Variants in HPSE2 observed in about 807,000 individuals in gnomAD.
HPSE2 encodes the protein inactive heparanase-2.
A neutral mutation model predicts 60.5 loss-of-function variants in HPSE2; 38 were observed. The observed-to-expected ratio is 0.63, with a 90% CI of 0.48 to 0.82. HPSE2 has a LOEUF of 0.82. Among genes scored for constraint, HPSE2 ranks in the 40% least tolerant of loss-of-function variants. HPSE2 has a pLI of 0.00. For synonymous variants in HPSE2, 295 were observed against 293.2 expected, an observed-to-expected ratio of 1.01 and a Z score of -0.06; for missense variants, 713 against 740.4, an observed-to-expected ratio of 0.96 and a Z score of 0.43.
intron 9 of HPSE2, among the ~76,000 whole-genome samples, chr10:98,573,972 A>C (rs1313459817): frequency 1.3e-5 from 2 of 152,202 alleles, no homozygotes; most frequent in Non-Finnish European, 2.9e-5. Flanking sequence ...TTGTGCATCC[A>C]TAACCACAAT....
chr10:98,525,641 A>G (rs1191184576), intron 9 of HPSE2, among the ~76,000 whole-genome samples: 1 of 152,148 alleles, frequency 6.6e-6, no homozygotes, highest in African/African-American at 2.4e-5. Flanking sequence ...AATTCTAGAG[A>G]AAGCAAAGCA....
At chr10:98,880,951 A>G (rs1953005826) in intron 3 of HPSE2, among the ~76,000 whole-genome samples, 1 of 152,046 alleles carries the variant, frequency 6.6e-6, no homozygotes, top group African/African-American at 2.4e-5. Flanking sequence ...CCTCTCTACT[A>G]TCAATGGGAA....
intron 3 of HPSE2, among the ~76,000 whole-genome samples, chr10:98,816,967 G>A (rs758854256): frequency 5.9e-5 from 9 of 151,862 alleles, no homozygotes; most frequent in Non-Finnish European, 1.2e-4. Context: ...CTTTGGAATC[G>A]GATGAGGTAC....
At chr10:99,151,316 G>T (rs1846255425) in intron 2 of HPSE2, among the ~76,000 whole-genome samples, 1 of 150,520 alleles carries the variant, frequency 6.6e-6, no homozygotes, top group Non-Finnish European at 1.5e-5. Flanking sequence ...AGATAAAAAA[G>T]ACCAAGGAAA....
At chr10:99,309,901 T>C in the HPSE2 span, among the ~76,000 whole-genome samples, 1 of 152,258 alleles carries the variant, frequency 6.6e-6, no homozygotes, top group Non-Finnish European at 1.5e-5. Context: ...CTGTAACAAA[T>C]TACCACAGCC....
intron 9 of HPSE2, among the ~76,000 whole-genome samples, chr10:98,597,988 A>T (rs944995549): frequency 5.1e-4 from 71 of 140,222 alleles, no homozygotes; most frequent in Non-Finnish European, 8.8e-4. Flanking sequence ...AAAAAAAAAA[A>T]AAAAAAAAAA....
At chr10:98,844,503 T>G (rs1951990795) in intron 3 of HPSE2, among the ~76,000 whole-genome samples, 1 of 152,206 alleles carries the variant, frequency 6.6e-6, no homozygotes, top group Non-Finnish European at 1.5e-5. Flanking sequence ...TTGTCAATAT[T>G]TGATCTGTGC....
At chr10:99,071,874 G>C (rs140595978) in intron 3 of HPSE2, among the ~76,000 whole-genome samples, 16 of 152,274 alleles carry the variant, frequency 1.1e-4, no homozygotes, top group African/African-American at 2.6e-4. Flanking sequence ...TAGGTTGACT[G>C]TAAATGGGTC....
intron 3 of HPSE2, among the ~76,000 whole-genome samples, chr10:99,019,716 G>GTTT (rs527577817): frequency 6.9e-6 from 1 of 144,784 alleles, no homozygotes. Context: ...GTTTTTTGTT[G>GTTT]TTTTTTTTTT....
In HPSE2 at chr10:99,179,398, A is replaced by C. The variant is rs191165617; in HGVS notation, c.449-34999T>G. On this transcript the variant is annotated intron_variant, in intron 2 of 11. Coordinates refer to ENST00000370552, the MANE Select transcript of HPSE2 (RefSeq NM_021828.5). The stretch of plus-strand genomic sequence containing the variant: ...ATCGCAAAATTTCCTTAAGCTGATA[A>C]GCAACTTCAGCAAGGTCTCGGATAC... Among the ~76,000 whole-genome samples the C allele has an allele frequency of 2.3e-3, 356 of 152,378 alleles. 2 individuals carry two copies. Among genetic ancestry groups the C allele is most frequent in the Non-Finnish European group, 4.1e-3 (277 of 68,032 alleles).
intron 3 of HPSE2, among the ~76,000 whole-genome samples, chr10:98,834,970 C>T (rs1212769972): frequency 6.6e-6 from 1 of 151,740 alleles, no homozygotes. Context: ...TGAATTACTA[C>T]ATAAATATTT....
chr10:98,547,653 T>G (rs12218497), intron 9 of HPSE2, among the ~76,000 whole-genome samples: 51,844 of 104,988 alleles, frequency 0.49, 13,751 homozygotes, highest in Middle Eastern at 0.62. Context: ...TGGGGACTGT[T>G]GTGGGGTGGG....
intron 3 of HPSE2, among the ~76,000 whole-genome samples, chr10:98,866,013 C>T (rs113285454): frequency 4.6e-5 from 7 of 152,098 alleles, no homozygotes; most frequent in African/African-American, 1.2e-4. Context: ...ATCTCTCATT[C>T]AATGAAGGAT....
intron 5 of HPSE2, among the ~76,000 whole-genome samples, chr10:98,720,157 T>C (rs1032009804): frequency 2.6e-5 from 4 of 151,914 alleles, no homozygotes; most frequent in Non-Finnish European, 5.9e-5. Flanking sequence ...AAATGGGATA[T>C]GAGGGATAAT....
At chr10:98,930,085 A>T (rs1484232390) in intron 3 of HPSE2, among the ~76,000 whole-genome samples, 4 of 143,520 alleles carry the variant, frequency 2.8e-5, no homozygotes, top group Admixed American at 6.9e-5. Context: ...TCGACCCATC[A>T]TCTATGTATT....
intron 3 of HPSE2, among the ~76,000 whole-genome samples, chr10:98,814,540 C>A (rs1451504526): frequency 1.3e-5 from 2 of 152,172 alleles, no homozygotes; most frequent in Non-Finnish European, 2.9e-5. Context: ...GAAAGTGAAG[C>A]ATGATTGCAG....
At chr10:99,310,638 T>C in the HPSE2 span, among the ~76,000 whole-genome samples, 2 of 152,178 alleles carry the variant, frequency 1.3e-5, no homozygotes, top group Non-Finnish European at 1.5e-5. Flanking sequence ...ATTTTATTTT[T>C]GTTTTTGAGA....
chr10:98,466,068 T>G (rs1307402341), intron 11 of HPSE2, among the ~76,000 whole-genome samples: 1 of 152,236 alleles, frequency 6.6e-6, no homozygotes, highest in Non-Finnish European at 1.5e-5. Flanking sequence ...CTGGTCTTCA[T>G]GTCTTATCAC....
chr10:99,003,335 T>C (rs1417085770), intron 3 of HPSE2, among the ~76,000 whole-genome samples: 1 of 152,120 alleles, frequency 6.6e-6, no homozygotes, highest in Non-Finnish European at 1.5e-5. Context: ...ATGTCTTCAA[T>C]ATACTGAATT....
Sources: gnomAD v4.1 joint callset for allele counts (sites outside exome capture counted in the v4.1 genomes callset) on GRCh38, gnomAD v4.1.1 for gene constraint, MANE v1.5 for transcripts, NCBI Gene and HGNC (gene_info 2026-07-23, HGNC 2026-07-21) for gene names.